Variants in BTNL2 observed in about 807,000 individuals in gnomAD.
The protein encoded by BTNL2 is butyrophilin-like protein 2.
A neutral mutation model predicts 46.8 loss-of-function variants in BTNL2; 46 were observed. The observed-to-expected ratio is 0.98, with a 90% CI of 0.78 to 1.26. The LOEUF is 1.26. Among genes scored for constraint, BTNL2 ranks in the 50% most tolerant of loss-of-function variants. The probability of loss-of-function intolerance (pLI) is 0.00; values close to 1 mark genes in which losing one functional copy is unlikely to be tolerated. For synonymous variants in BTNL2, 226 were observed against 229.1 expected (o/e 0.99, Z 0.12); for missense variants, 461 against 592.6 (o/e 0.78, Z 2.31).
intron 4 of BTNL2, among the ~76,000 whole-genome samples, chr6:32,398,314 T>C (rs187194705): frequency 3.3e-5 from 5 of 152,362 alleles, no homozygotes; most frequent in African/African-American, 4.8e-5. Flanking sequence ...CATTATGTCA[T>C]TGGCCGAAAA....
intron 3 of BTNL2, among the ~76,000 whole-genome samples, chr6:32,402,658 T>C (rs61176680): frequency 0.018 from 2,670 of 152,318 alleles, 79 homozygotes; most frequent in East Asian, 0.11. Context: ...TGAAGAAATA[T>C]AGCTTTATTT....
At chr6:32,406,863 G>A (rs3763308) in intron 1 of BTNL2, 182 bp downstream of exon 1, 29,281 of 548,702 alleles carry the variant, frequency 0.053, 1,026 homozygotes, top group African/African-American at 0.11. Context: ...TTCCAAAGGT[G>A]ACTCAGCTAG....
intron 4 of BTNL2, among the ~76,000 whole-genome samples, chr6:32,398,736 A>G (rs1175577535): frequency 6.6e-6 from 1 of 152,232 alleles, no homozygotes; most frequent in Non-Finnish European, 1.5e-5. Flanking sequence ...AGACTGAAGG[A>G]AGCAAAATGT....
chr6:32,403,784 A>T (rs948151967), intron 2 of BTNL2: 1 of 154,232 alleles, frequency 6.5e-6, no homozygotes. Flanking sequence ...TAAATATTCT[A>T]TTCAATGGGT....
At chr6:32,402,899 A>G (rs1221345562) in intron 3 of BTNL2, 36 bp downstream of exon 3, 1 of 1,601,070 alleles carries the variant, frequency 6.2e-7, no homozygotes, top group Admixed American at 1.7e-5. Context: ...TCTCCTGCTG[A>G]TCTGAGCATG....
At chr6:32,404,695 C>T (rs2150322587) in intron 2 of BTNL2, among the ~76,000 whole-genome samples, 1 of 152,320 alleles carries the variant, frequency 6.6e-6, no homozygotes, top group Admixed American at 6.5e-5. Flanking sequence ...CTAAAGACTG[C>T]ATGTCATGGA....
intron 2 of BTNL2, chr6:32,403,637 G>T (rs116516376): frequency 0.099 from 16,507 of 167,428 alleles, 979 homozygotes; most frequent in East Asian, 0.18. Flanking sequence ...TTTGATTGAA[G>T]ATTTAACACA....
intron 1 of BTNL2, chr6:32,405,541 CA>C: frequency 1.9e-6 from 1 of 516,470 alleles, no homozygotes; most frequent in Non-Finnish European, 3.6e-6. Context: ...GATTCGGTGG[CA>C]AATCTATTAC....
In BTNL2 at chr6:32,394,990, G is replaced by T. The variant is rs1438274027; in HGVS notation, c.1114C>A (p.Gln372Lys). 1 of 1,610,730 alleles carries T rather than the reference G, an allele frequency of 6.2e-7. No individual in the cohort carries two copies. Among genetic ancestry groups the T allele is most frequent in the Admixed American group, 1.7e-5 (1 of 59,854 alleles). ...GSSPLITVEG[Q>K]EDGEMQPMCS... ...ATCGGCTGCATTTCTCCATCTTCTT[G>T]CCCCTCCACAGTGATCAGTGGGGAA... Residue 372 changes from glutamine (Q) to lysine (K), a missense_variant, in exon 6 of 8, where the codon CAA becomes AAA. Coordinates refer to ENST00000454136, the MANE Select transcript of BTNL2 (RefSeq NM_001304561.2). The surrounding 1 kb of genome is among the most constrained non-coding windows in gnomAD (Gnocchi z 4.6).
chr6:32,404,863 T>G lies in BTNL2; in HGVS notation c.427+76A>C, dbSNP rs963954896. The G allele has an allele frequency of 6.5e-6, 9 of 1,375,404 alleles. No individual in the cohort carries two copies. The Admixed American group carries it at 1.6e-4, about 24-fold the overall frequency. The allele number at this position is 1,375,404 out of a possible 1,614,324, so 85.2% of individuals were successfully genotyped here. ...ACCTTGATGATTCAAAAGGATTTCC[T>G]CAACTGTCACAAAGCTTACCACAAA... On this transcript the variant is annotated intron_variant, in intron 2 of 7. Transcript: ENST00000454136.
chr6:32,405,626 GT>G, intron 1 of BTNL2: 1 of 327,150 alleles, frequency 3.1e-6, no homozygotes. Flanking sequence ...TACCTGGGTT[GT>G]TTTTATTCTC....
rs1202998457 is a variant in BTNL2, at chr6:32,394,254, T to C, written c.1361-197A>G. Among the ~76,000 whole-genome samples the C allele has an allele frequency of 1.3e-5, 2 of 151,128 alleles. No homozygotes were observed. Among genetic ancestry groups the C allele is most frequent in the Non-Finnish European group, 3.0e-5 (2 of 67,770 alleles). ...ATTTCATGTTTGCTCGTCTCAGAAATGTACACATGCACAGACAAGTTTTCC... is the reference window on the plus strand; with the variant it reads ...ATTTCATGTTTGCTCGTCTCAGAAACGTACACATGCACAGACAAGTTTTCC... On this transcript the variant is annotated intron_variant, in intron 6 of 7. Transcript: ENST00000454136. The surrounding 1 kb of genome is among the most constrained non-coding windows in gnomAD (Gnocchi z 4.6).
Position 32,402,982 on chromosome 6 carries a change from T to C in BTNL2, c.662A>G (p.His221Arg). The C allele has an allele frequency of 3.7e-6, 6 of 1,612,980 alleles. No homozygotes were observed. The highest frequency in any genetic ancestry group is 5.1e-6 in the Non-Finnish European group (6 of 1,179,996). Residue 221 changes from histidine (H) to arginine (R), a missense_variant, in exon 3 of 8, where the codon CAC becomes CGC. Coordinates refer to ENST00000454136, the MANE Select transcript of BTNL2 (RefSeq NM_001304561.2). ...ASAESVSCLVHNPVLTEEKGS... is the reference protein window; with the variant it reads ...ASAESVSCLVRNPVLTEEKGS... ...CTTCTCCTCAGTGAGGACGGGGTTG[T>C]GGACCAAGCAGGACACAGACTCTGC...
rs1297922404 is a variant in BTNL2, at chr6:32,401,710, C to T, written c.730+75G>A. On this transcript the variant is annotated intron_variant, in intron 4 of 7. Coordinates refer to ENST00000454136, the MANE Select transcript of BTNL2 (RefSeq NM_001304561.2). ...GTTTTTCCTCTGGGTCACATGGTCT[C>T]GTGGTAGCTCCCCTCCCTCTGCTGG... 7 of 1,419,376 alleles carry T rather than the reference C, an allele frequency of 4.9e-6. 1 individual carries two copies. The South Asian group carries it at 7.8e-5, about 16-fold the overall frequency. The allele number at this position is 1,419,376 out of a possible 1,614,324, so 87.9% of individuals were successfully genotyped here.
rs1216110172 is a variant in BTNL2, at chr6:32,399,198, AC to A, written c.730+2586del. ...GCAGTAGTTAACCTCCTTTTTCTATACGGTTTTGTACACAGCCTTCCAGACA... is the reference window on the plus strand; with the variant it reads ...GCAGTAGTTAACCTCCTTTTTCTATAGGTTTTGTACACAGCCTTCCAGACA... On this transcript the variant is annotated intron_variant, in intron 4 of 7. Transcript: ENST00000454136. This position sits in a 1 kb window ranked among gnomAD's most constrained non-coding sequence, Gnocchi z 5.2. 3.3e-5 allele frequency among the ~76,000 whole-genome samples: 5 copies of A among 152,028 alleles called. No individual in the cohort carries two copies. The highest frequency in any genetic ancestry group is 1.2e-4 in the African/African-American group (5 of 41,364).
Position 32,399,143 on chromosome 6 carries a change from C to A in BTNL2, c.730+2642G>T, listed in dbSNP as rs1397122926. Among the ~76,000 whole-genome samples the A allele has an allele frequency of 1.3e-5, 2 of 152,196 alleles. No homozygotes were observed. Among genetic ancestry groups the A allele is most frequent in the Non-Finnish European group, 2.9e-5 (2 of 68,042 alleles). On this transcript the variant is annotated intron_variant, in intron 4 of 7. Transcript: ENST00000454136. The surrounding 1 kb of genome is among the most constrained non-coding windows in gnomAD (Gnocchi z 5.2). Reference sequence around the variant, plus strand: ...CTGCCATGCATCCATGTGTTCTCACCAATCAGCTCCCCCTTATAAGTGTGA... The same window carrying A: ...CTGCCATGCATCCATGTGTTCTCACAAATCAGCTCCCCCTTATAAGTGTGA...
intron 5 of BTNL2, 120 bp from the exon 6 acceptor site, chr6:32,395,145 G>T: frequency 1.0e-6 from 1 of 972,424 alleles, no homozygotes; most frequent in South Asian, 2.0e-5. Context: ...AGCTTAAGGG[G>T]GATTGCACTC....
chr6:32,404,535 T>G (rs549287765), intron 2 of BTNL2, among the ~76,000 whole-genome samples: 1 of 152,314 alleles, frequency 6.6e-6, no homozygotes, highest in East Asian at 1.9e-4. Context: ...CATTTTCACG[T>G]CTCAGTTTCT....
At chr6:32,395,070 A>G in intron 5 of BTNL2, 45 bp from the exon 6 acceptor site, 1 of 1,513,774 alleles carries the variant, frequency 6.6e-7, no homozygotes, top group Non-Finnish European at 8.9e-7. Flanking sequence ...TTTCAAGTGG[A>G]TGAGTGGGCA....
Sources: allele counts gnomAD v4.1 joint callset (sites outside exome capture counted in the v4.1 genomes callset), GRCh38; gene constraint gnomAD v4.1.1; non-coding constraint Gnocchi (gnomAD v3.1); transcripts MANE v1.5; gene names NCBI Gene and HGNC (gene_info 2026-07-23, HGNC 2026-07-21).